The following CTNNA2 variants were observed in gnomAD, a reference collection of about 807,000 sequenced individuals.
CTNNA2 encodes catenin alpha 2.
In CTNNA2, 42 loss-of-function variants were observed where a neutral mutation model predicts 101.0. That is an observed-to-expected ratio of 0.42 (90% CI 0.32 to 0.54). The LOEUF is 0.54. Ranked by LOEUF, CTNNA2 falls within the 20% of genes least tolerant of loss-of-function variation. The pLI is 0.14. For synonymous variants in CTNNA2, 450 were observed against 456.4 expected, an observed-to-expected ratio of 0.99 and a Z score of 0.18; for missense variants, 871 against 1,223.1, an observed-to-expected ratio of 0.71 and a Z score of 4.29.
intron 7 of CTNNA2, among the ~76,000 whole-genome samples, chr2:80,361,217 C>T (rs1674375187): frequency 6.6e-6 from 1 of 152,054 alleles, no homozygotes; most frequent in Non-Finnish European, 1.5e-5. Flanking sequence ...AATATTCAGG[C>T]CTTCTCAGTA....
intron 7 of CTNNA2, among the ~76,000 whole-genome samples, chr2:79,936,112 T>G (rs1378826941): frequency 6.6e-6 from 1 of 152,226 alleles, no homozygotes. Flanking sequence ...AAAAGAACAA[T>G]GTGCTCTATT....
rs368093118 is a variant in CTNNA2, at chr2:80,545,927, A to G, written c.1404A>G (p.Thr468=). Residue 468 remains threonine, a synonymous_variant, in exon 11 of 19, where the codon ACA becomes ACG. Coordinates refer to ENST00000402739, the MANE Select transcript of CTNNA2 (RefSeq NM_001282597.3). Reference sequence around the variant, plus strand: ...AATAGGTCATCAATGCCGCTCTGACACTGGCTGCCCGGCCACAGAGCAAAG... The same window carrying G: ...AATAGGTCATCAATGCCGCTCTGACGCTGGCTGCCCGGCCACAGAGCAAAG... The part of the protein sequence containing the change: ...LCPQVINAAL[T]LAARPQSKVA... 1.5e-5 allele frequency: 24 copies of G among 1,613,920 alleles called. No homozygotes were observed. The highest frequency in any genetic ancestry group is 1.9e-5 in the Non-Finnish European group (22 of 1,179,980).
chr2:79,346,592 C>T (rs1252080247), intron 3 of CTNNA2, among the ~76,000 whole-genome samples: 1 of 152,124 alleles, frequency 6.6e-6, no homozygotes, highest in Admixed American at 6.5e-5. Flanking sequence ...AAACCCACAT[C>T]TGTAGGTCTT....
At chr2:79,998,436 T>C (rs76690039) in intron 7 of CTNNA2, among the ~76,000 whole-genome samples, 3,184 of 152,300 alleles carry the variant, frequency 0.021, 93 homozygotes, top group African/African-American at 0.066. Flanking sequence ...GTTTCATGCA[T>C]CTTTCTGTTT....
intron 7 of CTNNA2, among the ~76,000 whole-genome samples, chr2:80,015,165 C>G (rs1694054291): frequency 1.3e-5 from 2 of 152,156 alleles, no homozygotes. Context: ...ATCCTCACAT[C>G]TTTTACTGCT....
intron 9 of CTNNA2, among the ~76,000 whole-genome samples, chr2:80,512,242 TG>T (rs1399927088): frequency 6.6e-6 from 1 of 151,692 alleles, no homozygotes; most frequent in Non-Finnish European, 1.5e-5. Context: ...ATAATGTAGA[TG>T]TTTTAAAAAT....
chr2:80,376,268 A>G (rs1390398168), intron 7 of CTNNA2, among the ~76,000 whole-genome samples: 3 of 151,958 alleles, frequency 2.0e-5, no homozygotes, highest in African/African-American at 4.8e-5. Context: ...TTCTTCTCCC[A>G]CCCTTCACAC....
chr2:79,446,988 G>T (rs1678840523), intron 4 of CTNNA2, among the ~76,000 whole-genome samples: 1 of 151,948 alleles, frequency 6.6e-6, no homozygotes, highest in Non-Finnish European at 1.5e-5. Context: ...TAATGGCTTT[G>T]ATAAATAATG....
intron 7 of CTNNA2, among the ~76,000 whole-genome samples, chr2:79,965,712 T>C (rs2104549774): frequency 6.7e-6 from 1 of 149,902 alleles, no homozygotes; most frequent in Admixed American, 6.7e-5. Flanking sequence ...TAATCCCAGA[T>C]ACTTGGGAGG....
At position 80,099,896 on chromosome 2, in the gene CTNNA2, T is replaced by A. The variant is rs991350426; in HGVS notation, c.1056+190099T>A. Among the ~76,000 whole-genome samples the A allele has an allele frequency of 2.6e-5, 4 of 152,190 alleles. No individual in the cohort carries two copies. The East Asian group carries it at 7.8e-4, about 30-fold the overall frequency. On this transcript the variant is annotated intron_variant, in intron 7 of 18. Coordinates refer to ENST00000402739, the MANE Select transcript of CTNNA2 (RefSeq NM_001282597.3). ...TGGGCCCGACCCTAGAACTATAGTA[T>A]CAGAGTCTTTGGGTCTGTGGCCATT...
intron 4 of CTNNA2, among the ~76,000 whole-genome samples, chr2:79,401,292 G>C (rs947533389): frequency 3.3e-5 from 5 of 150,842 alleles, no homozygotes; most frequent in Non-Finnish European, 5.9e-5. Context: ...ATTTTAAAAA[G>C]AAAAACTGAA....
intron 2 of CTNNA2, among the ~76,000 whole-genome samples, chr2:79,738,767 T>C (rs561642214): frequency 6.6e-6 from 1 of 152,310 alleles, no homozygotes; most frequent in South Asian, 2.1e-4. Flanking sequence ...GGTGAGAGGA[T>C]TAAAGCAAAT....
chr2:80,269,595 C>T (rs533330423), intron 7 of CTNNA2, among the ~76,000 whole-genome samples: 16 of 152,120 alleles, frequency 1.1e-4, no homozygotes, highest in African/African-American at 3.9e-4. Flanking sequence ...AAAAAAAATG[C>T]TGTTATATGT....
At chr2:80,625,991 C>A (rs1671645870) in intron 18 of CTNNA2, among the ~76,000 whole-genome samples, 1 of 151,946 alleles carries the variant, frequency 6.6e-6, no homozygotes, top group Admixed American at 6.6e-5. Context: ...TCCCAAAAAG[C>A]TGAATGAATC....
At chr2:80,530,968 G>A (rs567645868) in intron 9 of CTNNA2, among the ~76,000 whole-genome samples, 4 of 152,290 alleles carry the variant, frequency 2.6e-5, no homozygotes, top group Admixed American at 2.0e-4. Context: ...AGAAGAGGTG[G>A]CACTAGAGCT....
intron 9 of CTNNA2, among the ~76,000 whole-genome samples, chr2:80,515,243 T>C (rs7609392): frequency 1.2e-4 from 19 of 152,036 alleles, no homozygotes; most frequent in Admixed American, 1.0e-3. Context: ...TTGAATTCTG[T>C]CAACTGACCC....
chr2:80,528,347 C>T (rs12104600), intron 9 of CTNNA2, among the ~76,000 whole-genome samples: 1 of 152,126 alleles, frequency 6.6e-6, no homozygotes, highest in South Asian at 2.1e-4. Context: ...CAGGCACTCA[C>T]CACCATGCCT....
chr2:80,361,790 A>T lies in CTNNA2; in HGVS notation c.1057-31421A>T, dbSNP rs1396374890. 1.3e-5 allele frequency among the ~76,000 whole-genome samples: 2 copies of T among 152,096 alleles called. 1 individual carries two copies. The highest frequency in any genetic ancestry group is 6.4e-3 in the Middle Eastern group (2 of 314). ...TCCTCCTTCCCCCCAAAACCTCTCC[A>T]TGAAGGTGGAAGAGAAAGAAAATGG... On this transcript the variant is annotated intron_variant, in intron 7 of 18. Transcript: ENST00000402739.
At chr2:79,470,689 T>C (rs962183074) in intron 4 of CTNNA2, among the ~76,000 whole-genome samples, 2 of 152,226 alleles carry the variant, frequency 1.3e-5, no homozygotes, top group Admixed American at 6.5e-5. Flanking sequence ...AATCACTTCT[T>C]TGAATGCTTC....
Sources: gnomAD v4.1 joint callset for allele counts (sites outside exome capture counted in the v4.1 genomes callset) on GRCh38, gnomAD v4.1.1 for gene constraint, MANE v1.5 for transcripts, NCBI Gene and HGNC (gene_info 2026-07-23, HGNC 2026-07-21) for gene names.